Variants in MAD1L1 observed in about 807,000 individuals in gnomAD.
The protein encoded by MAD1L1 is mitotic spindle assembly checkpoint protein MAD1.
MAD1L1 carries 95 observed loss-of-function variants against 96.9 expected under a neutral mutation model. The observed-to-expected ratio is 0.98, with a 90% CI of 0.83 to 1.16. MAD1L1 has a LOEUF of 1.16. Ranked by LOEUF, MAD1L1 falls within the 50% of genes most tolerant of loss-of-function variation. MAD1L1 has a pLI of 0.00. For missense variants in MAD1L1, 1,007 were observed against 954.4 expected (o/e 1.06, Z -0.73); for synonymous variants, 473 against 396.6 (o/e 1.19, Z -2.29).
chr7:2,113,106 TCCCTCAGCAAAGCGTCCCACTCAGG>T (rs1787468442), intron 11 of MAD1L1, among the ~76,000 whole-genome samples: 1 of 143,054 alleles, frequency 7.0e-6, no homozygotes, highest in African/African-American at 2.5e-5. Context: ...GGGCAGAGCC[TCCCTCAGCAAAGCGTCCCACTCAGG>T]AAACGGGGAC....
At chr7:2,051,521 G>A (rs1429023399) in intron 12 of MAD1L1, among the ~76,000 whole-genome samples, 3 of 152,136 alleles carry the variant, frequency 2.0e-5, no homozygotes, top group Non-Finnish European at 2.9e-5. Flanking sequence ...ACGTTTCAAC[G>A]TGGTATGTTA....
intron 17 of MAD1L1, among the ~76,000 whole-genome samples, chr7:1,934,783 A>C (rs1789689791): frequency 2.7e-5 from 4 of 150,758 alleles, no homozygotes; most frequent in African/African-American, 9.9e-5. Flanking sequence ...ACACGAGCGA[A>C]CCCGAGACAG....
At position 2,010,804 on chromosome 7, in the gene MAD1L1, C is replaced by T. The variant is rs144858742; in HGVS notation, c.1359+3698G>A. On this transcript the variant is annotated intron_variant, in intron 13 of 18. Transcript: ENST00000265854. The stretch of plus-strand genomic sequence containing the variant: ...CGGTCAGGTAGCAGATCCTCACCTG[C>T]CCCGAGAGGCGCCTTCCCCAGGGGC... Among the ~76,000 whole-genome samples the T allele has an allele frequency of 1.7e-3, 256 of 152,274 alleles. 1 individual carries two copies. Among genetic ancestry groups the T allele is most frequent in the African/African-American group, 5.8e-3 (243 of 41,542 alleles).
At chr7:2,128,562 G>A (rs1414956149) in intron 11 of MAD1L1, among the ~76,000 whole-genome samples, 1 of 152,220 alleles carries the variant, frequency 6.6e-6, no homozygotes, top group Non-Finnish European at 1.5e-5. Context: ...ACACCCAGAG[G>A]CCTCGCAAAG....
chr7:1,849,073 C>A (rs971734808), intron 18 of MAD1L1: 5 of 147,238 alleles, frequency 3.4e-5, no homozygotes, highest in African/African-American at 5.1e-5. Context: ...CACACACACA[C>A]AAATGCACAT....
At chr7:1,833,785 A>G (rs1164717590) in intron 18 of MAD1L1, among the ~76,000 whole-genome samples, 1 of 152,206 alleles carries the variant, frequency 6.6e-6, no homozygotes, top group Non-Finnish European at 1.5e-5. Flanking sequence ...TACTAAAAAT[A>G]CAAAAATTAG....
At chr7:1,944,017 T>G (rs934093707) in intron 16 of MAD1L1, among the ~76,000 whole-genome samples, 3 of 152,062 alleles carry the variant, frequency 2.0e-5, no homozygotes, top group African/African-American at 7.3e-5. Context: ...TGGGTGAACC[T>G]TGAACAAGGG....
At chr7:2,166,130 G>A (rs983127140) in intron 10 of MAD1L1, among the ~76,000 whole-genome samples, 2 of 152,174 alleles carry the variant, frequency 1.3e-5, no homozygotes, top group African/African-American at 4.8e-5. Context: ...ACTGTGACGT[G>A]GTCCATCCAG....
chr7:1,996,587 G>A (rs1443017155), intron 14 of MAD1L1, among the ~76,000 whole-genome samples: 1 of 152,184 alleles, frequency 6.6e-6, no homozygotes, highest in African/African-American at 2.4e-5. Flanking sequence ...AGTGGGCCTC[G>A]ACACCCTTCC....
At chr7:1,881,125 G>A (rs750483554) in intron 18 of MAD1L1, among the ~76,000 whole-genome samples, 2 of 152,168 alleles carry the variant, frequency 1.3e-5, no homozygotes, top group Non-Finnish European at 2.9e-5. Flanking sequence ...CCATGACAAA[G>A]TCCTCCCAGC....
chr7:2,012,075 C>T (rs1025350816), intron 13 of MAD1L1, among the ~76,000 whole-genome samples: 10 of 152,218 alleles, frequency 6.6e-5, no homozygotes, highest in Admixed American at 1.3e-4. Flanking sequence ...AACCTGCCCC[C>T]ACACCCCACC....
chr7:1,987,425 G>C (rs1781202327), intron 14 of MAD1L1, among the ~76,000 whole-genome samples: 1 of 152,224 alleles, frequency 6.6e-6, no homozygotes, highest in Non-Finnish European at 1.5e-5. Context: ...GAACGGGGAG[G>C]TACTGGGGCG....
intron 11 of MAD1L1, among the ~76,000 whole-genome samples, chr7:2,075,102 G>A (rs538418586): frequency 3.7e-4 from 57 of 152,286 alleles, no homozygotes; most frequent in Non-Finnish European, 4.0e-4. Flanking sequence ...ATGAGGTGCC[G>A]GCGTCTCGAG....
intron 11 of MAD1L1, among the ~76,000 whole-genome samples, chr7:2,133,251 C>A (rs926059496): frequency 2.0e-5 from 3 of 151,512 alleles, no homozygotes; most frequent in African/African-American, 4.9e-5. Context: ...TTCTCCGTCA[C>A]CCACGTGTCT....
intron 10 of MAD1L1, among the ~76,000 whole-genome samples, chr7:2,179,505 G>A (rs1791093406): frequency 6.7e-6 from 1 of 149,972 alleles, no homozygotes; most frequent in Admixed American, 6.6e-5. Context: ...TCCAGCCTGG[G>A]CGACAACAGC....
At chr7:1,883,847 G>A (rs1303670819) in intron 18 of MAD1L1, among the ~76,000 whole-genome samples, 1 of 152,144 alleles carries the variant, frequency 6.6e-6, no homozygotes, top group African/African-American at 2.4e-5. Context: ...TCCAGGACTC[G>A]ACCGGAGCAG....
At chr7:1,909,846 G>C (rs1473151329) in intron 17 of MAD1L1, among the ~76,000 whole-genome samples, 1 of 152,154 alleles carries the variant, frequency 6.6e-6, no homozygotes, top group African/African-American at 2.4e-5. Flanking sequence ...GAGTTCCCCT[G>C]CTGGGCAGAA....
intron 18 of MAD1L1, among the ~76,000 whole-genome samples, chr7:1,830,699 C>A (rs192385917): frequency 6.6e-6 from 1 of 151,956 alleles, no homozygotes; most frequent in Admixed American, 6.6e-5. Context: ...TCGTATCATT[C>A]GAGGATGACT....
chr7:1,880,868 C>T (rs548826328), intron 18 of MAD1L1, among the ~76,000 whole-genome samples: 25 of 152,342 alleles, frequency 1.6e-4, no homozygotes, highest in African/African-American at 5.8e-4. Context: ...ATCTTCCCCG[C>T]TGCTCCCTGC....
Sources: gnomAD v4.1 joint callset for allele counts (sites outside exome capture counted in the v4.1 genomes callset) on GRCh38, gnomAD v4.1.1 for gene constraint, MANE v1.5 for transcripts, NCBI Gene and HGNC (gene_info 2026-07-23, HGNC 2026-07-21) for gene names.